Variants in GNAO1 observed in about 807,000 individuals in gnomAD.
GNAO1 encodes guanine nucleotide-binding protein G(o) subunit alpha.
For missense variants in GNAO1, 166 were observed against 478.7 expected, an observed-to-expected ratio of 0.35 and a Z score of 6.10; for synonymous variants, 164 against 180.7, an observed-to-expected ratio of 0.91 and a Z score of 0.74.
At chr16:56,262,999 C>T (rs2036917838) in intron 2 of GNAO1, among the ~76,000 whole-genome samples, 3 of 152,192 alleles carry the variant, frequency 2.0e-5, no homozygotes, top group African/African-American at 7.2e-5. Flanking sequence ...CAGAGGACAG[C>T]ATAAGGCAGC....
At chr16:56,225,334 A>G (rs2036524670) in intron 2 of GNAO1, among the ~76,000 whole-genome samples, 1 of 152,186 alleles carries the variant, frequency 6.6e-6, no homozygotes, top group Admixed American at 6.5e-5. Flanking sequence ...TGGAAAGGGG[A>G]GCTAATACGT....
intron 3 of GNAO1, among the ~76,000 whole-genome samples, chr16:56,323,547 A>G (rs866980559): frequency 1.3e-5 from 2 of 152,040 alleles, no homozygotes; most frequent in Non-Finnish European, 2.9e-5. Context: ...AGAGGGAATG[A>G]GAGAAAAAGG....
intron 6 of GNAO1, chr16:56,344,926 G>A (rs138571342): frequency 2.2e-4 from 221 of 985,184 alleles, no homozygotes; most frequent in Non-Finnish European, 2.6e-4. Context: ...CCGCCTCACC[G>A]TCTTGGTGAA....
chr16:56,345,309 G>A, intron 6 of GNAO1: 1 of 985,532 alleles, frequency 1.0e-6, no homozygotes, highest in Non-Finnish European at 1.2e-6. Flanking sequence ...ATGGGAGGGA[G>A]GAGGGTACCC....
chr16:56,343,772 C>A (rs1388376096), intron 6 of GNAO1: 1 of 1,613,038 alleles, frequency 6.2e-7, no homozygotes, highest in Non-Finnish European at 8.5e-7. Context: ...GGCCCCAGCG[C>A]CTTCACAGAA....
intron 2 of GNAO1, among the ~76,000 whole-genome samples, chr16:56,207,602 A>C (rs1329240645): frequency 6.6e-6 from 1 of 152,208 alleles, no homozygotes; most frequent in Non-Finnish European, 1.5e-5. Context: ...CTTAAATACA[A>C]TTGTTGATTA....
intron 2 of GNAO1, among the ~76,000 whole-genome samples, chr16:56,241,170 G>T (rs1228537151): frequency 6.6e-6 from 1 of 152,212 alleles, no homozygotes; most frequent in Non-Finnish European, 1.5e-5. Flanking sequence ...CTGCTCCCAT[G>T]GAACTTTTCC....
chr16:56,303,519 A>C (rs1448247731), intron 3 of GNAO1, among the ~76,000 whole-genome samples: 1 of 152,164 alleles, frequency 6.6e-6, no homozygotes, highest in East Asian at 1.9e-4. Flanking sequence ...CTGACATGGG[A>C]GAGGCTGGGA....
intron 2 of GNAO1, among the ~76,000 whole-genome samples, chr16:56,218,320 C>G (rs954046403): frequency 1.3e-5 from 2 of 152,204 alleles, no homozygotes; most frequent in African/African-American, 4.8e-5. Flanking sequence ...CCTCCACTGC[C>G]TTGTGTAGTA....
intron 2 of GNAO1, among the ~76,000 whole-genome samples, chr16:56,273,385 T>C (rs1413363901): frequency 6.6e-6 from 1 of 152,190 alleles, no homozygotes; most frequent in Non-Finnish European, 1.5e-5. Flanking sequence ...TTCTTTTTAA[T>C]GTCTTCCATT....
Position 56,351,602 on chromosome 16 carries a change from A to G in GNAO1, c.877+65A>G. The G allele has an allele frequency of 7.5e-7, 1 of 1,337,866 alleles. No homozygotes were observed. The highest frequency in any genetic ancestry group is 1.1e-6 in the Non-Finnish European group (1 of 946,710). The allele number at this position is 1,337,866 out of a possible 1,614,324, so 82.9% of individuals were successfully genotyped here. A position where few individuals can be genotyped will look rare whatever the true frequency, so the allele number is the denominator to read the frequency against. On this transcript the variant is annotated intron_variant, in intron 7 of 8. Coordinates refer to ENST00000262493, the MANE Select transcript of GNAO1 (RefSeq NM_020988.3). This position sits in a 1 kb window ranked among gnomAD's most constrained non-coding sequence, Gnocchi z 6.1. ...CTGACAGGGACCCATGGCTCAGAGA[A>G]CAGGCTGCTCGGCCAGCACTGCTGG...
Position 56,254,113 on chromosome 16 carries a change from A to G in GNAO1, c.162-21818A>G, listed in dbSNP as rs551858056. Reference sequence around the variant, plus strand: ...TAAACATATCTTGTGAAATTTATTAAGTTTATATCTGTGATCAAGTTTTGT... The same window carrying G: ...TAAACATATCTTGTGAAATTTATTAGGTTTATATCTGTGATCAAGTTTTGT... On this transcript the variant is annotated intron_variant, in intron 2 of 8. Coordinates refer to ENST00000262493, the MANE Select transcript of GNAO1 (RefSeq NM_020988.3). 3.9e-5 allele frequency among the ~76,000 whole-genome samples: 6 copies of G among 152,296 alleles called. No individual in the cohort carries two copies. The East Asian group carries it at 1.2e-3, about 29-fold the overall frequency.
chr16:56,353,209 A>T (rs1459899311), intron 7 of GNAO1: 4 of 152,430 alleles, frequency 2.6e-5, no homozygotes, highest in Non-Finnish European at 5.9e-5. Context: ...GACCTCTCCC[A>T]GCCACAACGA....
chr16:56,315,361 T>G (rs79334835), intron 3 of GNAO1, among the ~76,000 whole-genome samples: 193 of 152,282 alleles, frequency 1.3e-3, no homozygotes, highest in Non-Finnish European at 1.6e-3. Flanking sequence ...TCTTAGAAAT[T>G]TTGTCTATCC....
chr16:56,344,313 G>A, intron 6 of GNAO1: 11 of 1,140,992 alleles, frequency 9.6e-6, no homozygotes, highest in Non-Finnish European at 1.2e-5. Context: ...TGTCATCTTG[G>A]GTGGTGCAGG....
chr16:56,283,939 G>T (rs1222363392), intron 3 of GNAO1, among the ~76,000 whole-genome samples: 1 of 152,124 alleles, frequency 6.6e-6, no homozygotes, highest in Non-Finnish European at 1.5e-5. Flanking sequence ...GTCCAAACTG[G>T]AAAGAGACTT....
At chr16:56,197,633 G>C (rs781048148) in intron 2 of GNAO1, among the ~76,000 whole-genome samples, 65 of 152,228 alleles carry the variant, frequency 4.3e-4, no homozygotes, top group Non-Finnish European at 8.2e-4. Context: ...AGCTTCATGA[G>C]AACCAACATG....
At chr16:56,306,801 T>C (rs2037401584) in intron 3 of GNAO1, 1 of 152,154 alleles carries the variant, frequency 6.6e-6, no homozygotes, top group Non-Finnish European at 1.5e-5. Flanking sequence ...AAGATTCCAG[T>C]TGGACCAGAA....
intron 2 of GNAO1, among the ~76,000 whole-genome samples, chr16:56,206,633 G>A (rs996738091): frequency 6.6e-6 from 1 of 152,086 alleles, no homozygotes; most frequent in African/African-American, 2.4e-5. Context: ...TATGTTTATC[G>A]AAAGTCATCA....
Sources: allele counts gnomAD v4.1 joint callset (sites outside exome capture counted in the v4.1 genomes callset), GRCh38; gene constraint gnomAD v4.1.1; non-coding constraint Gnocchi (gnomAD v3.1); transcripts MANE v1.5; gene names NCBI Gene and HGNC (gene_info 2026-07-23, HGNC 2026-07-21).